Variants in CNNM4 observed in about 807,000 individuals in gnomAD.
CNNM4 encodes the protein cyclin and CBS domain divalent metal cation transport mediator 4.
A neutral mutation model predicts 53.7 loss-of-function variants in CNNM4; 32 were observed. That is an observed-to-expected ratio of 0.60 (90% CI 0.45 to 0.80). The LOEUF is 0.80. Ranked by LOEUF, CNNM4 falls within the 30% of genes least tolerant of loss-of-function variation. CNNM4 has a pLI of 0.00. For synonymous variants in CNNM4, 410 were observed against 440.0 expected, an observed-to-expected ratio of 0.93 and a Z score of 0.85; for missense variants, 784 against 1,022.0, an observed-to-expected ratio of 0.77 and a Z score of 3.17.
chr2:96,807,567 A>C (rs1228838683), intron 5 of CNNM4, among the ~76,000 whole-genome samples: 2 of 152,018 alleles, frequency 1.3e-5, no homozygotes, highest in Admixed American at 1.3e-4. Context: ...AACCAAAAAA[A>C]CAAGAAAAAG....
intron 1 of CNNM4, among the ~76,000 whole-genome samples, chr2:96,782,987 C>G (rs757808026): frequency 1.3e-5 from 2 of 152,074 alleles, no homozygotes; most frequent in Non-Finnish European, 2.9e-5. Context: ...GGGAGGATCT[C>G]TTGGGGTCAG....
At chr2:96,803,585 G>A (rs2079176744) in intron 5 of CNNM4, among the ~76,000 whole-genome samples, 1 of 151,986 alleles carries the variant, frequency 6.6e-6, no homozygotes, top group Non-Finnish European at 1.5e-5. Context: ...AATTAGCCGG[G>A]CGTGGTGGCA....
intron 1 of CNNM4, among the ~76,000 whole-genome samples, chr2:96,769,428 G>A (rs1433301681): frequency 6.6e-6 from 1 of 151,784 alleles, no homozygotes; most frequent in Non-Finnish European, 1.5e-5. Flanking sequence ...AATTAGGCGT[G>A]GTGGTGGGTG....
intron 1 of CNNM4, among the ~76,000 whole-genome samples, chr2:96,773,426 A>G (rs773073421): frequency 1.4e-4 from 22 of 152,188 alleles, no homozygotes; most frequent in African/African-American, 4.6e-4. Flanking sequence ...ACTGATGCCA[A>G]CCTGTGGCCA....
At chr2:96,776,693 ACCTCT>A (rs2078927739) in intron 1 of CNNM4, among the ~76,000 whole-genome samples, 7 of 151,786 alleles carry the variant, frequency 4.6e-5, no homozygotes, top group Non-Finnish European at 7.4e-5. Context: ...GCTCACTGCA[ACCTCT>A]GCCTCATGGG....
chr2:96,789,435 G>T (rs2079041739), intron 1 of CNNM4, among the ~76,000 whole-genome samples: 1 of 152,118 alleles, frequency 6.6e-6, no homozygotes, highest in Admixed American at 6.5e-5. Context: ...AGCCCTCCGG[G>T]GTTTCTGGAG....
rs151020163 is a variant in CNNM4, at chr2:96,806,506, A to AACACACACAC, written c.1949-2034_1949-2025dup. 2.9e-3 allele frequency among the ~76,000 whole-genome samples: 394 copies of AACACACACAC among 135,418 alleles called. 1 individual carries two copies. The highest frequency in any genetic ancestry group is 8.3e-3 in the African/African-American group (294 of 35,548). 88.8% of individuals were successfully genotyped at this position (135,418 alleles called of 152,430 possible). ...ACTCTTCTTCCTTCCCTAGCTATCC[A>AACACACACAC]ACACACACACACACACACACACACA... On this transcript the variant is annotated intron_variant, in intron 5 of 6. Coordinates refer to ENST00000377075, the MANE Select transcript of CNNM4 (RefSeq NM_020184.4).
At chr2:96,775,840 C>T (rs1277791006) in intron 1 of CNNM4, among the ~76,000 whole-genome samples, 4 of 152,182 alleles carry the variant, frequency 2.6e-5, no homozygotes, top group African/African-American at 7.2e-5. Context: ...GTCCTCCCAC[C>T]TCAGCCTCCC....
chr2:96,793,006 A>G (rs1338324527), intron 1 of CNNM4, among the ~76,000 whole-genome samples: 2 of 152,104 alleles, frequency 1.3e-5, no homozygotes, highest in Admixed American at 6.5e-5. Flanking sequence ...GCAGAGATTT[A>G]TTTGGGACAC....
At chr2:96,802,128 G>C (rs1277415780) in intron 5 of CNNM4, among the ~76,000 whole-genome samples, 1 of 147,640 alleles carries the variant, frequency 6.8e-6, no homozygotes, top group Non-Finnish European at 1.5e-5. Flanking sequence ...CAAACACAGA[G>C]ACACACAGAT....
chr2:96,767,377 A>T (rs1011230464), intron 1 of CNNM4, among the ~76,000 whole-genome samples: 1 of 152,156 alleles, frequency 6.6e-6, no homozygotes, highest in Non-Finnish European at 1.5e-5. Context: ...AACTGTTTGC[A>T]GTACTGGGTG....
At chr2:96,806,800 A>G (rs1324285512) in intron 5 of CNNM4, among the ~76,000 whole-genome samples, 2 of 152,272 alleles carry the variant, frequency 1.3e-5, no homozygotes, top group East Asian at 3.9e-4. Flanking sequence ...ATCATTTGAA[A>G]AAGCAGTTTC....
chr2:96,804,659 C>T (rs746766940), intron 5 of CNNM4, among the ~76,000 whole-genome samples: 29 of 151,868 alleles, frequency 1.9e-4, no homozygotes, highest in Non-Finnish European at 3.5e-4. Context: ...CCTCGGCCTC[C>T]CAACGTGCTG....
Position 96,809,362 on chromosome 2 carries a change from A to G in CNNM4, c.2173A>G (p.Met725Val), listed in dbSNP as rs777184356. ...QYQNGLLASR[M>V]ENSPQFPIDG... is the part of the protein sequence containing the mutation. ...CCAGAACGGGCTGCTGGCTTCTCGC[A>G]TGGAGAACAGCCCTCAGTTTCCCAT... Residue 725 changes from methionine (M) to valine (V), a missense_variant, in exon 7 of 7, where the codon ATG becomes GTG. Physicochemically the swap from Met to Val is conservative, Grantham distance 21 (BLOSUM62 1). Transcript: ENST00000377075. The G allele has an allele frequency of 1.2e-6, 2 of 1,614,162 alleles. No homozygotes were observed. Among genetic ancestry groups the G allele is most frequent in the Non-Finnish European group, 1.7e-6 (2 of 1,180,012 alleles).
At chr2:96,772,907 T>C (rs2078892050) in intron 1 of CNNM4, among the ~76,000 whole-genome samples, 2 of 129,376 alleles carry the variant, frequency 1.5e-5, no homozygotes, top group South Asian at 2.6e-4. Context: ...CTCTCACCCA[T>C]GCACGCACAC....
chr2:96,763,936 A>G (rs370413973), intron 1 of CNNM4, among the ~76,000 whole-genome samples: 3 of 152,152 alleles, frequency 2.0e-5, no homozygotes, highest in African/African-American at 4.8e-5. Context: ...AGGTTTTCCC[A>G]GGTACCCGAG....
At position 96,806,531 on chromosome 2, in the gene CNNM4, A is replaced by G. The variant is rs1004399919; in HGVS notation, c.1949-2030A>G. Among the ~76,000 whole-genome samples, 187 of 140,462 alleles carry G rather than the reference A, an allele frequency of 1.3e-3. 1 individual carries two copies. Among genetic ancestry groups the G allele is most frequent in the African/African-American group, 1.9e-3 (72 of 37,024 alleles). 92.1% of individuals were successfully genotyped at this position (140,462 alleles called of 152,430 possible). On this transcript the variant is annotated intron_variant, in intron 5 of 6. Transcript: ENST00000377075. Reference sequence around the variant, plus strand: ...AACACACACACACACACACACACACACACACGCGCGCGCGCGCGCGCGCCC... The same window carrying G: ...AACACACACACACACACACACACACGCACACGCGCGCGCGCGCGCGCGCCC...
At chr2:96,788,764 G>A (rs1379894543) in intron 1 of CNNM4, 1 of 152,236 alleles carries the variant, frequency 6.6e-6, no homozygotes, top group African/African-American at 2.4e-5. Context: ...GGGCCCCTGG[G>A]ATCTCAGAGG....
chr2:96,797,456 T>G lies in CNNM4; in HGVS notation c.1547-57T>G. The G allele has an allele frequency of 6.2e-7, 1 of 1,607,478 alleles. No individual in the cohort carries two copies. The highest frequency in any genetic ancestry group is 1.1e-5 in the South Asian group (1 of 91,028). Reference sequence around the variant, plus strand: ...GCAGGAGCTGCGGGGCGGGTTCCAGTCTCTTCCTAAGTCCTCAGGGGTCTG... The same window carrying G: ...GCAGGAGCTGCGGGGCGGGTTCCAGGCTCTTCCTAAGTCCTCAGGGGTCTG... On this transcript the variant is annotated intron_variant, in intron 2 of 6. Transcript: ENST00000377075. The surrounding 1 kb of genome is among the most constrained non-coding windows in gnomAD (Gnocchi z 6.0).
Sources: allele counts gnomAD v4.1 joint callset (sites outside exome capture counted in the v4.1 genomes callset), GRCh38; gene constraint gnomAD v4.1.1; non-coding constraint Gnocchi (gnomAD v3.1); transcripts MANE v1.5; gene names NCBI Gene and HGNC (gene_info 2026-07-23, HGNC 2026-07-21).